NALF1: variants seen among roughly 807,000 people sequenced by gnomAD.
NALF1 encodes NALCN channel auxiliary factor 1.
In NALF1, 3 loss-of-function variants were observed where a neutral mutation model predicts 48.4. That is an observed-to-expected ratio of 0.06 (90% CI 0.03 to 0.16). The LOEUF (loss-of-function observed/expected upper bound fraction) is 0.16, where lower values mean the gene tolerates loss of function less well. NALF1 is among the 10% of genes least tolerant of loss of function. The pLI, the probability that NALF1 is intolerant of heterozygous loss-of-function variation, is 1.00. For missense variants in NALF1, 526 were observed against 571.5 expected (o/e 0.92, Z 0.81); for synonymous variants, 262 against 245.7 (o/e 1.07, Z -0.62).
intron 1 of NALF1, among the ~76,000 whole-genome samples, chr13:107,318,189 G>C (rs1328888939): frequency 1.3e-5 from 2 of 152,044 alleles, no homozygotes; most frequent in Non-Finnish European, 2.9e-5. Context: ...ATTTACAAAT[G>C]ACAGTTTTCT....
intron 1 of NALF1, among the ~76,000 whole-genome samples, chr13:107,348,120 T>C (rs1005254580): frequency 1.3e-5 from 2 of 152,238 alleles, no homozygotes; most frequent in Non-Finnish European, 2.9e-5. Flanking sequence ...TGTTCTGAGA[T>C]TGCTTGAAAC....
intron 2 of NALF1, among the ~76,000 whole-genome samples, chr13:107,197,381 G>A (rs1879413723): frequency 6.6e-6 from 1 of 152,130 alleles, no homozygotes; most frequent in Non-Finnish European, 1.5e-5. Flanking sequence ...GCATAGAAAA[G>A]CAATGGACCA....
At chr13:107,436,666 G>C (rs1357769242) in intron 1 of NALF1, among the ~76,000 whole-genome samples, 2 of 152,186 alleles carry the variant, frequency 1.3e-5, no homozygotes, top group African/African-American at 4.8e-5. Flanking sequence ...CTACAATTAA[G>C]AATGAGATAA....
At chr13:107,337,235 A>C (rs990536264) in intron 1 of NALF1, among the ~76,000 whole-genome samples, 1 of 152,126 alleles carries the variant, frequency 6.6e-6, no homozygotes, top group Non-Finnish European at 1.5e-5. Context: ...CTCAGACCCA[A>C]GTGCAATATG....
chr13:107,719,310 T>C (rs1875916818), intron 1 of NALF1, among the ~76,000 whole-genome samples: 1 of 152,208 alleles, frequency 6.6e-6, no homozygotes, highest in Non-Finnish European at 1.5e-5. Context: ...TGAAATATTC[T>C]CTTAGCTGTC....
chr13:107,748,051 G>A (rs527862819), intron 1 of NALF1, among the ~76,000 whole-genome samples: 14 of 152,072 alleles, frequency 9.2e-5, no homozygotes, highest in Middle Eastern at 3.2e-3. Flanking sequence ...TCATTCTAAC[G>A]TAACAACAAA....
intron 1 of NALF1, among the ~76,000 whole-genome samples, chr13:107,825,089 G>A (rs558708708): frequency 4.6e-5 from 7 of 152,194 alleles, no homozygotes; most frequent in Non-Finnish European, 1.0e-4. Flanking sequence ...TAATAAACCA[G>A]CTTCATAAAA....
chr13:107,518,084 A>G (rs1246936235), intron 1 of NALF1, among the ~76,000 whole-genome samples: 1 of 152,184 alleles, frequency 6.6e-6, no homozygotes, highest in Non-Finnish European at 1.5e-5. Flanking sequence ...AGAAGACTCG[A>G]TGCACTGAAA....
At chr13:107,788,802 G>A (rs1298323865) in intron 1 of NALF1, 1 of 151,754 alleles carries the variant, frequency 6.6e-6, no homozygotes, top group African/African-American at 2.4e-5. Context: ...AAAAAATTTT[G>A]TCACATAGAC....
At chr13:107,175,357 T>G (rs1878906139) in intron 2 of NALF1, among the ~76,000 whole-genome samples, 1 of 152,150 alleles carries the variant, frequency 6.6e-6, no homozygotes, top group Admixed American at 6.5e-5. Flanking sequence ...CATCTCGTGT[T>G]GTCAATACCT....
chr13:107,744,254 G>A (rs539842194), intron 1 of NALF1, among the ~76,000 whole-genome samples: 54 of 152,256 alleles, frequency 3.5e-4, no homozygotes, highest in Non-Finnish European at 7.9e-4. Flanking sequence ...GCAAGAAAGG[G>A]AAGAAGACAT....
At chr13:107,463,288 G>T (rs1373428852) in intron 1 of NALF1, among the ~76,000 whole-genome samples, 1 of 152,280 alleles carries the variant, frequency 6.6e-6, no homozygotes, top group Non-Finnish European at 1.5e-5. Context: ...ATAGATTAAA[G>T]AAATGGATTT....
chr13:107,691,586 A>G (rs1698383240), intron 1 of NALF1, among the ~76,000 whole-genome samples: 1 of 152,204 alleles, frequency 6.6e-6, no homozygotes, highest in Admixed American at 6.5e-5. Context: ...GCAACAAATT[A>G]ACAACTGAAT....
At chr13:107,400,076 T>G (rs1033849051) in intron 1 of NALF1, among the ~76,000 whole-genome samples, 13 of 152,158 alleles carry the variant, frequency 8.5e-5, no homozygotes, top group Admixed American at 1.3e-4. Flanking sequence ...CTATGTTCAC[T>G]TTATACCTCA....
chr13:107,615,888 G>A (rs1879365738), intron 1 of NALF1, among the ~76,000 whole-genome samples: 1 of 152,128 alleles, frequency 6.6e-6, no homozygotes, highest in African/African-American at 2.4e-5. Flanking sequence ...ATGAGTGTAA[G>A]TCTTAACTTT....
chr13:107,527,713 TA>T lies in NALF1; in HGVS notation c.916-316959del, dbSNP rs934486907. Among the ~76,000 whole-genome samples the T allele has an allele frequency of 1.2e-3, 181 of 152,202 alleles. 2 individuals are homozygous for T. The highest frequency in any genetic ancestry group is 4.1e-3 in the African/African-American group (171 of 41,536). On this transcript the variant is annotated intron_variant, in intron 1 of 2. Coordinates refer to ENST00000375915, the MANE Select transcript of NALF1 (RefSeq NM_001080396.3). ...TCCATACTGTTCTCCTGGGAGTGAATAAGTCTCACAAGATCTGATGATTACA... is the reference window on the plus strand; with the variant it reads ...TCCATACTGTTCTCCTGGGAGTGAATAGTCTCACAAGATCTGATGATTACA...
intron 1 of NALF1, among the ~76,000 whole-genome samples, chr13:107,730,745 A>G (rs891756899): frequency 2.0e-5 from 3 of 152,224 alleles, no homozygotes; most frequent in African/African-American, 7.2e-5. Flanking sequence ...AACCATCTCC[A>G]AATGAATCAC....
At chr13:107,807,513 A>G (rs911385552) in intron 1 of NALF1, among the ~76,000 whole-genome samples, 1 of 152,232 alleles carries the variant, frequency 6.6e-6, no homozygotes, top group African/African-American at 2.4e-5. Context: ...CCAGCCAAGA[A>G]GCACTTGTAG....
At chr13:107,290,188 A>AAAAAAAAAAAC (rs1881587570) in intron 1 of NALF1, among the ~76,000 whole-genome samples, 1 of 126,900 alleles carries the variant, frequency 7.9e-6, no homozygotes. Flanking sequence ...AAAAAAAAAC[A>AAAAAAAAAAAC]AAAAAAAAAA....
Sources: allele counts gnomAD v4.1 joint callset (sites outside exome capture counted in the v4.1 genomes callset), GRCh38; gene constraint gnomAD v4.1.1; transcripts MANE v1.5; gene names NCBI Gene and HGNC (gene_info 2026-07-23, HGNC 2026-07-21).